DOK6: variants seen among roughly 807,000 people sequenced by gnomAD.
DOK6 encodes the protein downstream of tyrosine kinase 6.
In DOK6, 22 loss-of-function variants were observed where a neutral mutation model predicts 44.0. The ratio of observed to expected loss-of-function variants is 0.50; its 90% CI spans 0.36 to 0.71. The LOEUF (loss-of-function observed/expected upper bound fraction) is 0.71. DOK6 is among the 30% of genes least tolerant of loss of function. The pLI, the probability that DOK6 is intolerant of heterozygous loss-of-function variation, is 0.00. For synonymous variants in DOK6, 166 were observed against 145.5 expected (o/e 1.14, Z -1.01); for missense variants, 340 against 416.4 (o/e 0.82, Z 1.60).
intron 2 of DOK6, among the ~76,000 whole-genome samples, chr18:69,583,964 C>T (rs9748375): frequency 0.53 from 79,482 of 151,164 alleles, 24,760 homozygotes; most frequent in Non-Finnish European, 0.71. Flanking sequence ...AAAAATTAGC[C>T]AGGCGTGGTG....
chr18:69,624,602 C>A (rs141986070), intron 3 of DOK6, among the ~76,000 whole-genome samples: 1 of 152,078 alleles, frequency 6.6e-6, no homozygotes, highest in South Asian at 2.1e-4. Context: ...TGAACAAAAG[C>A]TAAGCCAGAG....
At chr18:69,763,128 G>T (rs1159467043) in intron 7 of DOK6, among the ~76,000 whole-genome samples, 2 of 152,070 alleles carry the variant, frequency 1.3e-5, no homozygotes, top group African/African-American at 4.8e-5. Context: ...TAGTAGTCTG[G>T]AATCAAAAGA....
At chr18:69,579,059 T>G (rs1343463385) in intron 2 of DOK6, among the ~76,000 whole-genome samples, 2 of 152,222 alleles carry the variant, frequency 1.3e-5, no homozygotes, top group Non-Finnish European at 2.9e-5. Context: ...ACTAGTTTTA[T>G]TTGAGAGCAG....
chr18:69,470,407 G>T (rs1261970525), intron 1 of DOK6, among the ~76,000 whole-genome samples: 3 of 152,194 alleles, frequency 2.0e-5, no homozygotes, highest in Non-Finnish European at 4.4e-5. Context: ...GCTGGAGCCA[G>T]GAAACTGTCT....
At chr18:69,817,759 G>A (rs564393260) in intron 7 of DOK6, among the ~76,000 whole-genome samples, 12 of 152,176 alleles carry the variant, frequency 7.9e-5, no homozygotes, top group South Asian at 4.2e-4. Flanking sequence ...AATGTGATCC[G>A]GTCCTGAGTC....
chr18:69,562,382 A>G (rs1371864486), intron 1 of DOK6, among the ~76,000 whole-genome samples: 3 of 152,034 alleles, frequency 2.0e-5, no homozygotes, highest in Admixed American at 6.6e-5. Flanking sequence ...GTTCTGTTCC[A>G]TTGGTCTATA....
At chr18:69,440,881 T>C (rs1390752359) in intron 1 of DOK6, among the ~76,000 whole-genome samples, 2 of 152,114 alleles carry the variant, frequency 1.3e-5, no homozygotes, top group East Asian at 1.9e-4. Flanking sequence ...CATTGTCTGA[T>C]TGAAGGTTTA....
At chr18:69,756,898 T>C (rs1979372679) in intron 6 of DOK6, among the ~76,000 whole-genome samples, 1 of 152,244 alleles carries the variant, frequency 6.6e-6, no homozygotes. Context: ...TTGCTCATTG[T>C]CTGTCAAAAA....
intron 3 of DOK6, among the ~76,000 whole-genome samples, chr18:69,632,513 G>A (rs1984711986): frequency 6.6e-6 from 1 of 152,064 alleles, no homozygotes; most frequent in African/African-American, 2.4e-5. Flanking sequence ...TCAGAATACT[G>A]TATATAGGAA....
At chr18:69,735,519 C>A (rs2144734940) in intron 5 of DOK6, among the ~76,000 whole-genome samples, 1 of 152,374 alleles carries the variant, frequency 6.6e-6, no homozygotes, top group African/African-American at 2.4e-5. Context: ...AGTGGGGTTG[C>A]ATGGGGACAC....
At chr18:69,556,099 G>A (rs1245741164) in intron 1 of DOK6, among the ~76,000 whole-genome samples, 2 of 152,086 alleles carry the variant, frequency 1.3e-5, no homozygotes, top group East Asian at 3.8e-4. Context: ...GTTTCTTTTT[G>A]TTAAGATTTA....
chr18:69,658,026 A>G (rs1356777268), intron 3 of DOK6, among the ~76,000 whole-genome samples: 2 of 152,116 alleles, frequency 1.3e-5, no homozygotes, highest in Non-Finnish European at 2.9e-5. Flanking sequence ...ATCATGGCTC[A>G]CTGTAGCCTC....
chr18:69,794,870 C>T lies in DOK6; in HGVS notation c.856+36997C>T, dbSNP rs187869030. ...TGCGAGGGATTTAGGCTCCGTGCTC[C>T]TTATGAGAACCTAATGCCTGATGAT... is the stretch of plus-strand genomic sequence containing the variant. On this transcript the variant is annotated intron_variant, in intron 7 of 7. Coordinates refer to ENST00000382713, the MANE Select transcript of DOK6 (RefSeq NM_152721.6). Among the ~76,000 whole-genome samples the T allele has an allele frequency of 1.3e-4, 20 of 152,260 alleles. No homozygotes were observed. The East Asian group carries it at 3.7e-3, about 28-fold the overall frequency.
At chr18:69,723,007 C>T (rs1468071149) in intron 5 of DOK6, among the ~76,000 whole-genome samples, 1 of 152,136 alleles carries the variant, frequency 6.6e-6, no homozygotes, top group Non-Finnish European at 1.5e-5. Context: ...ATAAAGTCAG[C>T]CAAATGCAAA....
intron 1 of DOK6, among the ~76,000 whole-genome samples, chr18:69,420,524 G>A (rs935118421): frequency 6.6e-6 from 1 of 151,728 alleles, no homozygotes; most frequent in Non-Finnish European, 1.5e-5. Flanking sequence ...TAAGTTCTAG[G>A]GTACATGTGC....
At chr18:69,733,746 AG>A (rs1365899060) in intron 5 of DOK6, among the ~76,000 whole-genome samples, 1 of 152,066 alleles carries the variant, frequency 6.6e-6, no homozygotes, top group Non-Finnish European at 1.5e-5. Flanking sequence ...GAGTTCTTTG[AG>A]CATTAAAAAA....
chr18:69,681,218 G>C (rs1208944485), intron 4 of DOK6, among the ~76,000 whole-genome samples: 2 of 152,092 alleles, frequency 1.3e-5, no homozygotes. Context: ...CATTAACATG[G>C]TTTGTGGTGA....
At chr18:69,473,155 A>T (rs1980164617) in intron 1 of DOK6, among the ~76,000 whole-genome samples, 1 of 152,230 alleles carries the variant, frequency 6.6e-6, no homozygotes, top group Non-Finnish European at 1.5e-5. Context: ...ATGAGAGAGA[A>T]GTTCATACTT....
chr18:69,475,805 G>A (rs913831168), intron 1 of DOK6, among the ~76,000 whole-genome samples: 2 of 152,106 alleles, frequency 1.3e-5, no homozygotes, highest in African/African-American at 2.4e-5. Context: ...TTAGACACAA[G>A]TTAACTTTCC....
Sources: gnomAD v4.1 joint callset for allele counts (sites outside exome capture counted in the v4.1 genomes callset) on GRCh38, gnomAD v4.1.1 for gene constraint, MANE v1.5 for transcripts, NCBI Gene and HGNC (gene_info 2026-07-23, HGNC 2026-07-21) for gene names.